The following MGAT5 variants were observed in gnomAD, a reference collection of about 807,000 sequenced individuals.
The protein encoded by MGAT5 is alpha-1,6-mannosylglycoprotein 6-beta-N-acetylglucosaminyltransferase A.
Under a neutral mutation model 94.3 loss-of-function variants are expected in MGAT5, and 30 were observed. The ratio of observed to expected loss-of-function variants is 0.32; its 90% confidence interval spans 0.24 to 0.43. The LOEUF is 0.43. Among genes scored for constraint, MGAT5 ranks in the 20% least tolerant of loss-of-function variants. MGAT5 has a pLI of 1.00. For missense variants in MGAT5, 691 were observed against 905.5 expected, an observed-to-expected ratio of 0.76 and a Z score of 3.04; for synonymous variants, 310 against 322.9, an observed-to-expected ratio of 0.96 and a Z score of 0.43.
intron 1 of MGAT5, among the ~76,000 whole-genome samples, chr2:134,215,815 A>G (rs895612629): frequency 6.6e-6 from 1 of 152,198 alleles, no homozygotes; most frequent in African/African-American, 2.4e-5. Context: ...ATCAATATAT[A>G]ATTGTACCAG....
intron 15 of MGAT5, among the ~76,000 whole-genome samples, chr2:134,447,820 C>T (rs1030364594): frequency 4.6e-5 from 7 of 152,236 alleles, no homozygotes; most frequent in African/African-American, 1.7e-4. Flanking sequence ...CAGGCTCCAC[C>T]GCCTGAGACC....
chr2:134,158,693 C>A (rs1395032340), intron 1 of MGAT5, among the ~76,000 whole-genome samples: 2 of 152,210 alleles, frequency 1.3e-5, no homozygotes, highest in African/African-American at 4.8e-5. Context: ...TTCCCGTCTC[C>A]CGCTGGCTGC....
At chr2:134,443,380 C>T (rs556665146) in intron 15 of MGAT5, among the ~76,000 whole-genome samples, 2 of 152,122 alleles carry the variant, frequency 1.3e-5, no homozygotes, top group African/African-American at 2.4e-5. Context: ...TTAGTAGAGA[C>T]AGGGTTTTAC....
At chr2:134,237,407 T>C (rs1357198300) in intron 1 of MGAT5, among the ~76,000 whole-genome samples, 1 of 152,126 alleles carries the variant, frequency 6.6e-6, no homozygotes, top group African/African-American at 2.4e-5. Flanking sequence ...AAGTTTTCTT[T>C]TTAAATTTCC....
intron 1 of MGAT5, among the ~76,000 whole-genome samples, chr2:134,228,387 C>A (rs1573565571): frequency 6.6e-6 from 1 of 152,164 alleles, no homozygotes; most frequent in Non-Finnish European, 1.5e-5. Context: ...ACTTTTGGTG[C>A]CCTAGTTGCC....
intron 1 of MGAT5, among the ~76,000 whole-genome samples, chr2:134,231,948 T>C (rs1358117603): frequency 6.6e-6 from 1 of 152,156 alleles, no homozygotes; most frequent in African/African-American, 2.4e-5. Context: ...ATATATGATA[T>C]AGTACTATTG....
At position 134,156,789 on chromosome 2, in the gene MGAT5, G is replaced by A. The variant is rs1442845554; in HGVS notation, c.-143+36498G>A. ...TTCACGACATTCCTCATGGGTTTCA[G>A]GGGCTTTGCATGGGCCCTGAGCAAC... On this transcript the variant is annotated intron_variant, in intron 1 of 16. Transcript: ENST00000409645. Among the ~76,000 whole-genome samples, 4 of 152,292 alleles carry A rather than the reference G, an allele frequency of 2.6e-5. No homozygotes were observed. The East Asian group carries it at 7.7e-4, about 29-fold the overall frequency.
At chr2:134,319,714 G>T in intron 4 of MGAT5, 1 of 407,308 alleles carries the variant, frequency 2.5e-6, no homozygotes, top group Admixed American at 2.8e-5. Context: ...CCATGCTGTG[G>T]TGGAATTCAA....
intron 4 of MGAT5, among the ~76,000 whole-genome samples, chr2:134,322,382 C>T (rs1184136168): frequency 1.3e-5 from 2 of 152,000 alleles, no homozygotes; most frequent in South Asian, 2.1e-4. Context: ...AAATTGACAA[C>T]GTTTGTATGT....
intron 14 of MGAT5, among the ~76,000 whole-genome samples, chr2:134,436,450 T>A (rs1685166380): frequency 6.6e-6 from 1 of 152,166 alleles, no homozygotes; most frequent in Non-Finnish European, 1.5e-5. Context: ...TTCCTGGAGC[T>A]CCAGTGTTCA....
At chr2:134,354,370 T>C (rs368976228) in intron 9 of MGAT5, among the ~76,000 whole-genome samples, 36 of 152,206 alleles carry the variant, frequency 2.4e-4, no homozygotes, top group East Asian at 1.4e-3. Flanking sequence ...TTGTGGTTCA[T>C]GTGCAGACAG....
intron 1 of MGAT5, among the ~76,000 whole-genome samples, chr2:134,197,174 G>C (rs1355363702): frequency 2.6e-5 from 4 of 152,164 alleles, no homozygotes; most frequent in East Asian, 3.9e-4. Context: ...TGGTGGGTTG[G>C]CAGGTATGTA....
chr2:134,416,357 T>C (rs1314635134), intron 12 of MGAT5, among the ~76,000 whole-genome samples: 1 of 152,194 alleles, frequency 6.6e-6, no homozygotes, highest in Admixed American at 6.5e-5. Flanking sequence ...TTGCCTATTC[T>C]AGGTACCTCA....
intron 1 of MGAT5, among the ~76,000 whole-genome samples, chr2:134,232,072 G>A (rs1681397475): frequency 7.7e-6 from 1 of 129,328 alleles, no homozygotes; most frequent in African/African-American, 2.9e-5. Flanking sequence ...AAGCCTAGTG[G>A]TCATTCTATA....
intron 1 of MGAT5, among the ~76,000 whole-genome samples, chr2:134,204,834 C>T (rs191593197): frequency 1.6e-4 from 24 of 152,248 alleles, no homozygotes; most frequent in African/African-American, 5.8e-4. Context: ...GAGTCACACT[C>T]CATCGACAAA....
At chr2:134,314,920 T>C (rs1431358806) in intron 2 of MGAT5, among the ~76,000 whole-genome samples, 1 of 152,190 alleles carries the variant, frequency 6.6e-6, no homozygotes, top group African/African-American at 2.4e-5. Flanking sequence ...GCCCATCCAT[T>C]CGTTCAGCTG....
chr2:134,390,576 C>G (rs918940209), intron 10 of MGAT5, among the ~76,000 whole-genome samples: 1 of 152,098 alleles, frequency 6.6e-6, no homozygotes, highest in Non-Finnish European at 1.5e-5. Context: ...AAAGAGTATT[C>G]AAATCACATG....
intron 14 of MGAT5, 111 bp downstream of exon 14, chr2:134,428,550 C>T (rs1201288882): frequency 1.1e-6 from 1 of 919,652 alleles, no homozygotes; most frequent in African/African-American, 1.6e-5. Flanking sequence ...TATTTTCCTG[C>T]TTTGGGAGAC....
At chr2:134,120,373 G>C (rs565669992) in intron 1 of MGAT5, 3 of 377,594 alleles carry the variant, frequency 7.9e-6, no homozygotes, top group South Asian at 1.3e-4. Flanking sequence ...GGGACCGCGG[G>C]GGGCACGGGG....
Sources: gnomAD v4.1 joint callset for allele counts (sites outside exome capture counted in the v4.1 genomes callset) on GRCh38, gnomAD v4.1.1 for gene constraint, MANE v1.5 for transcripts, NCBI Gene and HGNC (gene_info 2026-07-23, HGNC 2026-07-21) for gene names.